The following FKBP5 variants were observed in gnomAD, a reference collection of about 807,000 sequenced individuals.
FKBP5 encodes the protein FKBP prolyl isomerase 5, also known as peptidyl-prolyl cis-trans isomerase FKBP5.
FKBP5 carries 23 observed loss-of-function variants against 50.5 expected under a neutral mutation model. The ratio of observed to expected loss-of-function variants is 0.46; its 90% CI spans 0.33 to 0.65. FKBP5 has a LOEUF of 0.65. Among genes scored for constraint, FKBP5 ranks in the 30% least tolerant of loss-of-function variants. The pLI, the probability that FKBP5 is intolerant of heterozygous loss-of-function variation, is 0.02. For synonymous variants in FKBP5, 176 were observed against 190.6 expected, an observed-to-expected ratio of 0.92 and a Z score of 0.63; for missense variants, 411 against 553.1, an observed-to-expected ratio of 0.74 and a Z score of 2.58.
chr6:35,581,263 TAAAC>T, intron 8 of FKBP5: 2 of 474,224 alleles, frequency 4.2e-6, no homozygotes, highest in Non-Finnish European at 5.5e-6. Flanking sequence ...TATATAAATA[TAAAC>T]ATATATAATA....
At chr6:35,638,847 T>C (rs889454099) in intron 2 of FKBP5, among the ~76,000 whole-genome samples, 15 of 152,106 alleles carry the variant, frequency 9.9e-5, no homozygotes, top group African/African-American at 3.4e-4. Flanking sequence ...ACGAACTGCA[T>C]GTGGTATTTG....
chr6:35,593,210 C>T (rs1762873762), intron 6 of FKBP5, among the ~76,000 whole-genome samples: 1 of 152,154 alleles, frequency 6.6e-6, no homozygotes, highest in Non-Finnish European at 1.5e-5. Context: ...CAAAACACCA[C>T]AAGAGGAATC....
In FKBP5 at chr6:35,642,800, T is replaced by C; in HGVS notation, c.25A>G (p.Asn9Asp). The change falls in exon 2 of 11, where the codon AAC becomes GAC. Residue 9 changes from asparagine (N) to aspartate (D), a missense_variant. Asn to Asp is a conservative substitution (Grantham distance 23). This residue lies in a region of FKBP5 where 56 missense variants were observed against 58.2 expected (regional missense o/e 0.96). Transcript: ENST00000357266. ...GTGGCTGTGGGGCTTTCTTCATTGTTCTTGGCACCTTCATCAGTAGTCATT... is the reference window on the plus strand; with the variant it reads ...GTGGCTGTGGGGCTTTCTTCATTGTCCTTGGCACCTTCATCAGTAGTCATT... MTTDEGAK[N>D]NEESPTATVA... 1 of 1,614,012 alleles carries C rather than the reference T, an allele frequency of 6.2e-7. No individual in the cohort carries two copies. The highest frequency in any genetic ancestry group is 1.1e-5 in the South Asian group (1 of 91,060).
chr6:35,627,396 G>T (rs576524002), intron 3 of FKBP5, among the ~76,000 whole-genome samples: 1 of 152,186 alleles, frequency 6.6e-6, no homozygotes, highest in East Asian at 1.9e-4. Flanking sequence ...TCCCACCTAG[G>T]TCTCCCAAAA....
At chr6:35,701,240 G>GTTT (rs1561901928) in intron 2 of FKBP5, among the ~76,000 whole-genome samples, 12 of 146,930 alleles carry the variant, frequency 8.2e-5, no homozygotes, top group African/African-American at 2.7e-4. Context: ...TTTGTTTTTT[G>GTTT]TTTTTTTGTT....
At chr6:35,591,658 G>GT (rs1374977653) in intron 6 of FKBP5, among the ~76,000 whole-genome samples, 4 of 152,080 alleles carry the variant, frequency 2.6e-5, no homozygotes, top group Admixed American at 6.5e-5. Context: ...CTCACGGGAG[G>GT]TATGTTTTAA....
intron 1 of FKBP5, among the ~76,000 whole-genome samples, chr6:35,649,939 C>A (rs1304115844): frequency 9.9e-5 from 15 of 152,104 alleles, no homozygotes; most frequent in Non-Finnish European, 2.9e-5. Context: ...CAAATGCATA[C>A]TATAAAAATA....
intron 7 of FKBP5, among the ~76,000 whole-genome samples, chr6:35,588,830 T>C (rs1226729515): frequency 6.7e-6 from 1 of 150,062 alleles, no homozygotes. Flanking sequence ...GGTCTCAAAC[T>C]CTTGGGCTCA....
chr6:35,587,131 T>C lies in FKBP5; in HGVS notation c.757-14A>G. The C allele has an allele frequency of 6.2e-7, 1 of 1,612,930 alleles. No homozygotes were observed. Among genetic ancestry groups the C allele is most frequent in the South Asian group, 1.1e-5 (1 of 91,050 alleles). On this transcript the variant is annotated splice_polypyrimidine_tract_variant and intron_variant, in intron 7 of 10. Coordinates refer to ENST00000357266, the MANE Select transcript of FKBP5 (RefSeq NM_004117.4). ...GGATTCTTTGGCCTGTGTGTAAATT[T>C]GTGACAATGGTTAGATGAACAGAGA...
chr6:35,597,791 A>G (rs1390868972), intron 5 of FKBP5, among the ~76,000 whole-genome samples: 1 of 152,234 alleles, frequency 6.6e-6, no homozygotes, highest in Non-Finnish European at 1.5e-5. Context: ...AAACATCTGT[A>G]ACTGCATCTT....
chr6:35,624,590 G>A (rs1763940869), intron 3 of FKBP5, among the ~76,000 whole-genome samples: 1 of 152,048 alleles, frequency 6.6e-6, no homozygotes, highest in Non-Finnish European at 1.5e-5. Flanking sequence ...TAATATGAGT[G>A]ACTGCTGCTT....
At chr6:35,629,798 T>C (rs1191187150) in intron 3 of FKBP5, among the ~76,000 whole-genome samples, 1 of 152,194 alleles carries the variant, frequency 6.6e-6, no homozygotes, top group East Asian at 1.9e-4. Flanking sequence ...ATTGGAAGCA[T>C]TCCTCCTCTA....
At chr6:35,597,147 G>T in intron 6 of FKBP5, 101 bp downstream of exon 6, 13 of 1,262,426 alleles carry the variant, frequency 1.0e-5, no homozygotes, top group Non-Finnish European at 1.4e-5. Context: ...TTCCGTTGTT[G>T]GATTAACTTC....
At chr6:35,710,158 GA>G (rs1349011959) in intron 2 of FKBP5, among the ~76,000 whole-genome samples, 1 of 152,140 alleles carries the variant, frequency 6.6e-6, no homozygotes, top group Non-Finnish European at 1.5e-5. Context: ...GTGCTTCAGC[GA>G]GAGATCCTCT....
intron 3 of FKBP5, among the ~76,000 whole-genome samples, chr6:35,623,190 C>G (rs981397162): frequency 5.9e-5 from 9 of 152,072 alleles, no homozygotes; most frequent in African/African-American, 2.2e-4. Flanking sequence ...TTCGGTGAGC[C>G]GAGATAGCGC....
At chr6:35,608,890 T>C (rs1763410941) in intron 5 of FKBP5, among the ~76,000 whole-genome samples, 1 of 152,160 alleles carries the variant, frequency 6.6e-6, no homozygotes. Context: ...CTCTGTCTCC[T>C]GGGTTCAAGT....
intron 1 of FKBP5, among the ~76,000 whole-genome samples, chr6:35,656,205 G>A (rs1764943927): frequency 6.6e-6 from 1 of 151,958 alleles, no homozygotes; most frequent in African/African-American, 2.4e-5. Flanking sequence ...AAAAAATCTC[G>A]GCCATCTTAA....
At chr6:35,710,187 C>G (rs942901760) in intron 2 of FKBP5, among the ~76,000 whole-genome samples, 1 of 152,112 alleles carries the variant, frequency 6.6e-6, no homozygotes, top group African/African-American at 2.4e-5. Flanking sequence ...ACCAGAAGTG[C>G]AAAACATAGG....
intron 5 of FKBP5, among the ~76,000 whole-genome samples, chr6:35,616,727 T>G (rs1763672031): frequency 6.6e-6 from 1 of 152,182 alleles, no homozygotes; most frequent in Non-Finnish European, 1.5e-5. Context: ...TTCCTCTTAG[T>G]TGACAAAACC....
Sources: gnomAD v4.1 joint callset for allele counts (sites outside exome capture counted in the v4.1 genomes callset) on GRCh38, gnomAD v4.1.1 for gene constraint, gnomAD v4.1.1 regional missense constraint, MANE v1.5 for transcripts, NCBI Gene and HGNC (gene_info 2026-07-23, HGNC 2026-07-21) for gene names.